Variants in REG4 observed in about 807,000 individuals in gnomAD.
REG4 encodes regenerating islet-derived protein 4.
A neutral mutation model predicts 22.3 loss-of-function variants in REG4; 16 were observed. The observed-to-expected ratio is 0.72, with a 90% CI of 0.49 to 1.09. The LOEUF is 1.09. Ranked by LOEUF, REG4 falls within the 50% of genes least tolerant of loss-of-function variation. The pLI is 0.00. For synonymous variants in REG4, 71 were observed against 69.2 expected (o/e 1.03, Z -0.13); for missense variants, 214 against 193.9 (o/e 1.10, Z -0.61).
intron 5 of REG4, among the ~76,000 whole-genome samples, chr1:119,796,906 T>C (rs985723845): frequency 6.6e-6 from 1 of 152,252 alleles, no homozygotes; most frequent in African/African-American, 2.4e-5. Flanking sequence ...TGTCAGAATC[T>C]GGGGAATGTG....
chr1:119,799,331 G>A (rs941848380), intron 4 of REG4, among the ~76,000 whole-genome samples: 1 of 151,656 alleles, frequency 6.6e-6, no homozygotes, highest in Non-Finnish European at 1.5e-5. Context: ...AAAAAAAAAG[G>A]CTAGCTGAAA....
intron 3 of REG4, chr1:119,802,749 C>T (rs1382848778): frequency 2.1e-6 from 3 of 1,446,546 alleles, no homozygotes; most frequent in Non-Finnish European, 2.7e-6. Flanking sequence ...GTGAATTCCT[C>T]ATCTTCTCTT....
chr1:119,802,895 A>G, intron 3 of REG4, 173 bp downstream of exon 3: 1 of 1,554,512 alleles, frequency 6.4e-7, no homozygotes, highest in Non-Finnish European at 8.7e-7. Context: ...AGCAATGCTT[A>G]CAGAATTGAA....
chr1:119,810,089 A>T (rs1157101478), intron 1 of REG4, among the ~76,000 whole-genome samples: 2 of 151,706 alleles, frequency 1.3e-5, no homozygotes, highest in Non-Finnish European at 2.9e-5. Context: ...AGTATTTCTC[A>T]GTTTGTATTT....
chr1:119,802,723 C>T (rs1051018860), intron 3 of REG4: 30 of 1,434,856 alleles, frequency 2.1e-5, no homozygotes, highest in Admixed American at 8.9e-5. Flanking sequence ...TGTACAGAAA[C>T]TCCATTATCC....
chr1:119,796,192 G>T (rs1380278661), intron 5 of REG4, among the ~76,000 whole-genome samples: 1 of 152,208 alleles, frequency 6.6e-6, no homozygotes, highest in Non-Finnish European at 1.5e-5. Context: ...GATCTGCACA[G>T]GGTCACACAG....
intron 3 of REG4, chr1:119,801,202 C>G (rs78938674): frequency 1.3e-5 from 2 of 152,104 alleles, no homozygotes; most frequent in Admixed American, 6.5e-5. Flanking sequence ...TTATTTTATT[C>G]TCTTCTGGGG....
rs1653863907 is a variant in REG4, at chr1:119,794,330, T to C, written c.*288A>G. On this transcript the variant is annotated 3_prime_UTR_variant, in exon 6 of 6. Coordinates refer to ENST00000256585, the MANE Select transcript of REG4 (RefSeq NM_032044.4). ...TATGGCCAAAGACCCAGCTGTTTCA[T>C]AGGCTGGAGATGCACTCTTCTAGAC... 3 of 613,792 alleles carry C rather than the reference T, an allele frequency of 4.9e-6. No individual in the cohort carries two copies. Among genetic ancestry groups the C allele is most frequent in the South Asian group, 3.2e-5 (2 of 63,454 alleles). The allele number at this position is 613,792 out of a possible 1,614,324, so 38.0% of individuals were successfully genotyped here.
At position 119,803,147 on chromosome 1, in the gene REG4, C is replaced by A. The variant is rs1366055171; in HGVS notation, c.86G>T (p.Ser29Ile). ...GTGGTAAAACCATCCAGGAGCACAG[C>A]TGGGTCTCATGATGATATCTGCACA... is the stretch of plus-strand genomic sequence containing the variant. The part of the protein sequence containing the change: ...GVLGDIIMRP[S>I]CAPGWFYHKS... The change falls in exon 3 of 6, where the codon AGC becomes ATC. Residue 29 changes from serine to isoleucine, a missense_variant. Coordinates refer to ENST00000256585, the MANE Select transcript of REG4 (RefSeq NM_032044.4). 6.6e-7 allele frequency: 1 copy of A among 1,523,300 alleles called. No homozygotes were observed. Among genetic ancestry groups the A allele is most frequent in the Non-Finnish European group, 8.8e-7 (1 of 1,137,918 alleles). The allele number at this position is 1,523,300 out of a possible 1,614,324, so 94.4% of individuals were successfully genotyped here.
At chr1:119,800,270 T>C (rs1434156592) in intron 3 of REG4, among the ~76,000 whole-genome samples, 1 of 152,226 alleles carries the variant, frequency 6.6e-6, no homozygotes, top group Non-Finnish European at 1.5e-5. Flanking sequence ...AAGAAACTGC[T>C]GATTGTAAAA....
chr1:119,802,845 C>CT, intron 3 of REG4: 1 of 1,544,322 alleles, frequency 6.5e-7, no homozygotes, highest in East Asian at 2.4e-5. Context: ...TCCGTATGTG[C>CT]TTGTAGCCCA....
rs1278475134 is a variant in REG4 at position 119,794,695 on chromosome 1, A to T, written c.410-10T>A. 6.2e-7 allele frequency: 1 copy of T among 1,613,004 alleles called. No homozygotes were observed. Among genetic ancestry groups the T allele is most frequent in the African/African-American group, 1.3e-5 (1 of 74,916 alleles). On this transcript the variant is annotated splice_polypyrimidine_tract_variant and intron_variant, in intron 5 of 5. Transcript: ENST00000256585. ...CTCCAAGTTAAAAAGTCTGTAAGAA[A>T]ATAAACAGATATTTAAATCCATTCA... is the stretch of plus-strand genomic sequence containing the variant.
At chr1:119,794,766 A>C in intron 5 of REG4, 81 bp from the exon 6 acceptor site, 1 of 1,172,372 alleles carries the variant, frequency 8.5e-7, no homozygotes. Context: ...TTTTCTTGGA[A>C]GCATAGATAA....
At position 119,803,098 on chromosome 1, in the gene REG4, G is replaced by T; in HGVS notation, c.135C>A (p.Phe45Leu). 4.4e-6 allele frequency: 7 copies of T among 1,574,538 alleles called. No homozygotes were observed. Among genetic ancestry groups the T allele is most frequent in the Non-Finnish European group, 6.0e-6 (7 of 1,163,350 alleles). The change falls in exon 3 of 6, where the codon TTC (phenylalanine) becomes TTA (leucine). Residue 45 changes from phenylalanine to leucine, a missense_variant. Physicochemically the swap from Phe to Leu is conservative, Grantham distance 22. Coordinates refer to ENST00000256585, the MANE Select transcript of REG4 (RefSeq NM_032044.4). ...FYHKSNCYGYFRKLRNWSDAE... is the reference protein window; with the variant it reads ...FYHKSNCYGYLRKLRNWSDAE... Reference sequence around the variant, plus strand: ...CATCAGACCAGTTCCTCAGCTTCCTGAAGTAACCATAGCAATTGGACTTGT... The same window carrying T: ...CATCAGACCAGTTCCTCAGCTTCCTTAAGTAACCATAGCAATTGGACTTGT...
At chr1:119,795,020 C>T (rs1247945767) in intron 5 of REG4, among the ~76,000 whole-genome samples, 1 of 152,184 alleles carries the variant, frequency 6.6e-6, no homozygotes, top group African/African-American at 2.4e-5. Flanking sequence ...CTCAAGACAA[C>T]AACATTAAGT....
At chr1:119,798,435 A>C in intron 5 of REG4, 62 bp downstream of exon 5, 1 of 1,332,850 alleles carries the variant, frequency 7.5e-7, no homozygotes, top group South Asian at 1.2e-5. Context: ...TTTTGTGCTT[A>C]CTAGGTAAAG....
chr1:119,800,396 T>A (rs898289263), intron 3 of REG4, among the ~76,000 whole-genome samples: 10 of 152,340 alleles, frequency 6.6e-5, no homozygotes, highest in African/African-American at 2.4e-4. Context: ...GGTGTCAGTA[T>A]GTGAACACAA....
intron 2 of REG4, among the ~76,000 whole-genome samples, chr1:119,804,068 G>C (rs1410839275): frequency 6.6e-6 from 1 of 152,210 alleles, no homozygotes; most frequent in Non-Finnish European, 1.5e-5. Context: ...GGGGGAGATG[G>C]CTGGATGTAC....
At chr1:119,803,860 G>A (rs587755277) in intron 2 of REG4, among the ~76,000 whole-genome samples, 2 of 152,264 alleles carry the variant, frequency 1.3e-5, no homozygotes, top group Admixed American at 1.3e-4. Context: ...AAAGGAGGCA[G>A]GAATGTGTGG....
Sources: allele counts gnomAD v4.1 joint callset (sites outside exome capture counted in the v4.1 genomes callset), GRCh38; gene constraint gnomAD v4.1.1; transcripts MANE v1.5; gene names NCBI Gene and HGNC (gene_info 2026-07-23, HGNC 2026-07-21).